ENTREP1: variants seen among roughly 807,000 people sequenced by gnomAD.
ENTREP1 encodes the protein endosomal transmembrane epsin interactor 1, also known as Friedreich ataxia region gene X123.
At chr9:69,383,789 C>G in the ENTREP1 span, 1 of 1,613,756 alleles carries the variant, frequency 6.2e-7, no homozygotes, top group Non-Finnish European at 8.5e-7. Context: ...TCTCTAAGTA[C>G]ATTGACTGCA....
At chr9:69,392,225 T>G in the ENTREP1 span, 1 of 198,786 alleles carries the variant, frequency 5.0e-6, no homozygotes, top group Non-Finnish European at 1.0e-5. Flanking sequence ...TTCACTGCTC[T>G]GCGATTTGGC....
At chr9:69,340,767 G>GTGTGTA in the ENTREP1 span, among the ~76,000 whole-genome samples, 188 of 128,738 alleles carry the variant, frequency 1.5e-3, 1 homozygote, top group African/African-American at 6.4e-3. Context: ...GCGTGCATGT[G>GTGTGTA]TGTGTGTGTA....
chr9:69,367,812 CACAT>C, the ENTREP1 span, among the ~76,000 whole-genome samples: 9 of 70,552 alleles, frequency 1.3e-4, no homozygotes, highest in African/African-American at 1.5e-4. Context: ...TATATATACA[CACAT>C]ATATATAAAT....
the ENTREP1 span, chr9:69,383,550 A>T: frequency 6.3e-7 from 1 of 1,587,174 alleles, no homozygotes; most frequent in South Asian, 1.2e-5. Context: ...AGTTTAGAGC[A>T]AAGCCAGTAT....
At chr9:69,329,560 G>A in the ENTREP1 span, 35 of 985,104 alleles carry the variant, frequency 3.6e-5, no homozygotes, top group African/African-American at 2.1e-4. Context: ...AGTTTTTAAC[G>A]TAGTCTGTGT....
chr9:69,355,680 C>T, the ENTREP1 span, among the ~76,000 whole-genome samples: 4 of 152,176 alleles, frequency 2.6e-5, no homozygotes, highest in African/African-American at 7.2e-5. Flanking sequence ...TCCTGTTTGG[C>T]GTCTCTCATG....
chr9:69,376,098 A>G, the ENTREP1 span, among the ~76,000 whole-genome samples: 1 of 152,232 alleles, frequency 6.6e-6, no homozygotes, highest in East Asian at 1.9e-4. Flanking sequence ...AGATAGTAAA[A>G]AATGGAAAGG....
chr9:69,331,418 T>C, the ENTREP1 span, among the ~76,000 whole-genome samples: 1 of 152,154 alleles, frequency 6.6e-6, no homozygotes, highest in African/African-American at 2.4e-5. Flanking sequence ...TTCCCTGGGG[T>C]ATCTCAGAGC....
the ENTREP1 span, chr9:69,386,074 A>G: frequency 1.3e-6 from 1 of 777,714 alleles, no homozygotes; most frequent in African/African-American, 1.8e-5. Flanking sequence ...GGAGCTTATG[A>G]GGTCTTGGGA....
the ENTREP1 span, among the ~76,000 whole-genome samples, chr9:69,368,809 A>T: frequency 1.3e-5 from 2 of 151,994 alleles, no homozygotes; most frequent in Non-Finnish European, 2.9e-5. Context: ...TTTATATTTA[A>T]TTTTTAAGAA....
At chr9:69,387,127 G>A in the ENTREP1 span, 1 of 152,308 alleles carries the variant, frequency 6.6e-6, no homozygotes, top group Non-Finnish European at 1.5e-5. Context: ...AAGTGGAAGA[G>A]TGGAGACCCT....
At chr9:69,371,185 G>C in the ENTREP1 span, 1 of 343,826 alleles carries the variant, frequency 2.9e-6, no homozygotes, top group Non-Finnish European at 5.5e-6. Context: ...AAAAAAATAA[G>C]AGTGGCTCAA....
the ENTREP1 span, among the ~76,000 whole-genome samples, chr9:69,350,677 C>T: frequency 6.6e-6 from 1 of 152,148 alleles, no homozygotes; most frequent in African/African-American, 2.4e-5. Context: ...AGACAGCTCT[C>T]TCAGGGTTTG....
At chr9:69,391,745 C>A in the ENTREP1 span, 3 of 1,613,628 alleles carry the variant, frequency 1.9e-6, no homozygotes, top group Non-Finnish European at 2.5e-6. Context: ...GAGGCCCCGG[C>A]GAGTGGAGGC....
At chr9:69,339,896 A>G in the ENTREP1 span, among the ~76,000 whole-genome samples, 1 of 152,298 alleles carries the variant, frequency 6.6e-6, no homozygotes, top group South Asian at 2.1e-4. Context: ...ATATCCCAGC[A>G]CTGAATTACT....
At chr9:69,377,475 A>G in the ENTREP1 span, 7 of 1,613,182 alleles carry the variant, frequency 4.3e-6, no homozygotes, top group South Asian at 2.2e-5. Context: ...GAGATCCTGC[A>G]TCGTAAGTCT....
chr9:69,334,774 T>C, the ENTREP1 span, among the ~76,000 whole-genome samples: 5,178 of 147,272 alleles, frequency 0.035, 266 homozygotes, highest in African/African-American at 0.12. Context: ...CCTTTCCTTT[T>C]CTTTTTTTTT....
chr9:69,389,794 CAA>C, the ENTREP1 span, among the ~76,000 whole-genome samples: 1 of 152,220 alleles, frequency 6.6e-6, no homozygotes, highest in Non-Finnish European at 1.5e-5. Flanking sequence ...GGAAGAAGAA[CAA>C]GCACTTATAC....
At chr9:69,371,639 C>T in the ENTREP1 span, 1 of 1,395,910 alleles carries the variant, frequency 7.2e-7, no homozygotes, top group Non-Finnish European at 1.0e-6. Flanking sequence ...CACTGTGCAT[C>T]TAGGCAGACC....
Sources: allele counts gnomAD v4.1 joint callset (sites outside exome capture counted in the v4.1 genomes callset), GRCh38; gene constraint gnomAD v4.1.1; transcripts MANE v1.5; gene names NCBI Gene and HGNC (gene_info 2026-07-23, HGNC 2026-07-21).